The following RHOD variants were observed in gnomAD, a reference collection of about 807,000 sequenced individuals.
RHOD encodes rho-related GTP-binding protein RhoD.
A neutral mutation model predicts 16.7 loss-of-function variants in RHOD; 11 were observed. That is an observed-to-expected ratio of 0.66 (90% confidence interval 0.41 to 1.09). The LOEUF (loss-of-function observed/expected upper bound fraction) is 1.09, where lower values mean the gene tolerates loss of function less well. RHOD is among the 50% of genes least tolerant of loss of function. The probability of loss-of-function intolerance (pLI) is 0.00; values close to 1 mark genes in which losing one functional copy is unlikely to be tolerated. For missense variants in RHOD, 271 were observed against 291.7 expected (o/e 0.93, Z 0.52); for synonymous variants, 124 against 126.3 (o/e 0.98, Z 0.12).
chr11:67,057,559 T>C (rs1854828539), intron 1 of RHOD, among the ~76,000 whole-genome samples: 1 of 152,226 alleles, frequency 6.6e-6, no homozygotes, highest in South Asian at 2.1e-4. Context: ...AGTTGGCACA[T>C]GTCGCTCCTG....
intron 3 of RHOD, among the ~76,000 whole-genome samples, chr11:67,069,369 A>T (rs1471068466): frequency 5.4e-5 from 8 of 148,556 alleles, no homozygotes; most frequent in South Asian, 2.1e-4. Flanking sequence ...TTTATTTATT[A>T]TTTTTTTGAG....
chr11:67,068,664 C>T (rs376919725), intron 3 of RHOD, among the ~76,000 whole-genome samples: 13 of 152,116 alleles, frequency 8.5e-5, no homozygotes, highest in East Asian at 1.9e-4. Flanking sequence ...AAAAATTAGC[C>T]GGGCGTGGTG....
intron 1 of RHOD, among the ~76,000 whole-genome samples, chr11:67,060,010 CA>C (rs1266977926): frequency 6.6e-6 from 1 of 152,238 alleles, no homozygotes; most frequent in Non-Finnish European, 1.5e-5. Flanking sequence ...GCTCCTAGGA[CA>C]GGGGGAAGCC....
Position 67,065,995 on chromosome 11 carries a change from GGGGTGGGGCA to G in RHOD, c.220+20_220+29del. 17 of 1,563,074 alleles carry G rather than the reference GGGGTGGGGCA, an allele frequency of 1.1e-5. No individual in the cohort carries two copies. Among genetic ancestry groups the G allele is most frequent in the Non-Finnish European group, 1.3e-5 (15 of 1,134,266 alleles). ...CTGGGACACAGCAGGTGGGTGTGCAGGGGTGGGGCAGGGTGGGAGGGGCTTCTGTGGGCCC... is the reference window on the plus strand; with the variant it reads ...CTGGGACACAGCAGGTGGGTGTGCAGGGGTGGGAGGGGCTTCTGTGGGCCC... On this transcript the variant is annotated intron_variant, in intron 2 of 4. Transcript: ENST00000308831.
At position 67,071,723 on chromosome 11, in the gene RHOD, C is replaced by T; in HGVS notation, c.*121C>T. On this transcript the variant is annotated 3_prime_UTR_variant, in exon 5 of 5. Transcript: ENST00000308831. ...GAACTCCACTGCAACAGACGGGCGC[C>T]ACCAAAGCCAGGCCCTGAGGCCTGG... 1 of 1,088,928 alleles carries T rather than the reference C, an allele frequency of 9.2e-7. No homozygotes were observed. The allele number at this position is 1,088,928 out of a possible 1,614,324, so 67.5% of individuals were successfully genotyped here.
At chr11:67,069,589 C>A (rs1486638890) in intron 3 of RHOD, among the ~76,000 whole-genome samples, 1 of 152,108 alleles carries the variant, frequency 6.6e-6, no homozygotes, top group Non-Finnish European at 1.5e-5. Flanking sequence ...GAACTCCTGA[C>A]CTCAGGTGAT....
At chr11:67,061,081 A>G (rs959818110) in intron 1 of RHOD, among the ~76,000 whole-genome samples, 1 of 152,238 alleles carries the variant, frequency 6.6e-6, no homozygotes, top group African/African-American at 2.4e-5. Context: ...ATGGCTGGGG[A>G]GGCCTCAGGA....
In RHOD at chr11:67,063,044, T is replaced by G. The variant is rs567409486; in HGVS notation, c.133-2852T>G. Among the ~76,000 whole-genome samples, 6 of 152,302 alleles carry G rather than the reference T, an allele frequency of 3.9e-5. No homozygotes were observed. The South Asian group carries it at 1.2e-3, about 32-fold the overall frequency. ...GGGCAGGGCTGGAGTAAGGGGCCTC[T>G]GTCCTGGGTGACCTCCTCCCAAGCC... is the stretch of plus-strand genomic sequence containing the variant. On this transcript the variant is annotated intron_variant, in intron 1 of 4. Transcript: ENST00000308831.
chr11:67,067,856 G>A (rs1854977684), intron 3 of RHOD, among the ~76,000 whole-genome samples: 1 of 152,158 alleles, frequency 6.6e-6, no homozygotes, highest in Admixed American at 6.6e-5. Context: ...CTGGAGTGCA[G>A]TGGCGCCATC....
chr11:67,064,293 C>T (rs1854931798), intron 1 of RHOD, among the ~76,000 whole-genome samples: 2 of 149,986 alleles, frequency 1.3e-5, no homozygotes, highest in Non-Finnish European at 3.0e-5. Context: ...GTAGTCCCAG[C>T]TACTCAGGAG....
At chr11:67,066,900 C>A in intron 3 of RHOD, 53 bp downstream of exon 3, 2 of 1,177,286 alleles carry the variant, frequency 1.7e-6, no homozygotes, top group Non-Finnish European at 2.6e-6. Flanking sequence ...CCACTCCACT[C>A]TGCCACCCAC....
rs747533444 is a variant in RHOD at position 67,066,837 on chromosome 11, T to C, written c.320T>C (p.Ile107Thr). 7 of 1,610,904 alleles carry C rather than the reference T, an allele frequency of 4.3e-6. No individual in the cohort carries two copies. Among genetic ancestry groups the C allele is most frequent in the Non-Finnish European group, 5.9e-6 (7 of 1,177,258 alleles). The stretch of plus-strand genomic sequence containing the variant: ...ACCAGCCCGAACAGCTTTGACAACA[T>C]CTTTAACCGGGTAGGTACTGGGGGG... Reference protein sequence around the residue: ...DVTSPNSFDNIFNRWYPEVNH... With the variant: ...DVTSPNSFDNTFNRWYPEVNH... Residue 107 changes from isoleucine (I) to threonine (T), a missense_variant, in exon 3 of 5, where the codon ATC (isoleucine) becomes ACC (threonine). Transcript: ENST00000308831.
chr11:67,063,085 AGAAAG>A (rs1854911394), intron 1 of RHOD, among the ~76,000 whole-genome samples: 2 of 132,086 alleles, frequency 1.5e-5, no homozygotes, highest in Non-Finnish European at 3.5e-5. Context: ...AGGACAAAGA[AGAAAG>A]GCCCAAACAT....
At chr11:67,063,570 G>A (rs571593547) in intron 1 of RHOD, among the ~76,000 whole-genome samples, 2 of 151,148 alleles carry the variant, frequency 1.3e-5, no homozygotes, top group Non-Finnish European at 2.9e-5. Flanking sequence ...GGCCGAGGCA[G>A]GTGGATCACT....
At chr11:67,059,980 G>A (rs1305185085) in intron 1 of RHOD, among the ~76,000 whole-genome samples, 1 of 152,248 alleles carries the variant, frequency 6.6e-6, no homozygotes, top group Non-Finnish European at 1.5e-5. Flanking sequence ...AGGGCAGCAG[G>A]GGAGGGCAAG....
intron 2 of RHOD, 32 bp downstream of exon 2, chr11:67,066,015 G>T (rs759719805): frequency 1.5e-6 from 2 of 1,364,696 alleles, no homozygotes; most frequent in South Asian, 1.2e-5. Context: ...AGGGTGGGAG[G>T]GGCTTCTGTG....
At chr11:67,058,032 T>C (rs1854837004) in intron 1 of RHOD, among the ~76,000 whole-genome samples, 1 of 152,206 alleles carries the variant, frequency 6.6e-6, no homozygotes. Context: ...TCTCACTCTG[T>C]CACCCAGGCT....
Position 67,071,913 on chromosome 11 carries a change from A to G in RHOD, c.*311A>G. 2.9e-6 allele frequency: 1 copy of G among 343,382 alleles called. No homozygotes were observed. Among genetic ancestry groups the G allele is most frequent in the Non-Finnish European group, 5.2e-6 (1 of 191,494 alleles). 21.3% of individuals were successfully genotyped at this position (343,382 alleles called of 1,614,324 possible). A position where few individuals can be genotyped will look rare whatever the true frequency, so the allele number is the denominator to read the frequency against. ...CCCTCGTGGCTGCTCCCAGGGCTGC[A>G]CCTGCCAGGACCTAATGTTCTTAGG... On this transcript the variant is annotated 3_prime_UTR_variant, in exon 5 of 5. Transcript: ENST00000308831.
At chr11:67,064,396 C>A (rs1854933901) in intron 1 of RHOD, among the ~76,000 whole-genome samples, 1 of 146,140 alleles carries the variant, frequency 6.8e-6, no homozygotes, top group Admixed American at 6.9e-5. Context: ...CAGAGTGAGA[C>A]TCCCTCTCAA....
Sources: gnomAD v4.1 joint callset for allele counts (sites outside exome capture counted in the v4.1 genomes callset) on GRCh38, gnomAD v4.1.1 for gene constraint, MANE v1.5 for transcripts, NCBI Gene and HGNC (gene_info 2026-07-23, HGNC 2026-07-21) for gene names.